Variants in GNB5 observed in about 807,000 individuals in gnomAD.
GNB5 encodes guanine nucleotide-binding protein subunit beta-5.
A neutral mutation model predicts 55.3 loss-of-function variants in GNB5; 37 were observed. The observed-to-expected ratio is 0.67, with a 90% CI of 0.51 to 0.88. The LOEUF is 0.88. Among genes scored for constraint, GNB5 ranks in the 40% least tolerant of loss-of-function variants. The pLI is 0.00. For missense variants in GNB5, 476 were observed against 515.3 expected (o/e 0.92, Z 0.74); for synonymous variants, 219 against 198.5 (o/e 1.10, Z -0.87).
chr15:52,161,152 T>C (rs1292935950), intron 3 of GNB5, among the ~76,000 whole-genome samples: 2 of 152,138 alleles, frequency 1.3e-5, no homozygotes, highest in Non-Finnish European at 2.9e-5. Context: ...CATGCACACA[T>C]ACTTGGATCC....
intron 3 of GNB5, among the ~76,000 whole-genome samples, chr15:52,178,215 A>G (rs2034690347): frequency 6.6e-6 from 1 of 152,234 alleles, no homozygotes; most frequent in Non-Finnish European, 1.5e-5. Flanking sequence ...CCCAACACTT[A>G]GCAGGGGACC....
chr15:52,178,952 A>G (rs2034704697), intron 3 of GNB5, among the ~76,000 whole-genome samples: 1 of 152,222 alleles, frequency 6.6e-6, no homozygotes, highest in South Asian at 2.1e-4. Context: ...CACTTCCCCA[A>G]GCCTGGCCCC....
intron 3 of GNB5, among the ~76,000 whole-genome samples, chr15:52,157,056 C>T (rs923882637): frequency 6.6e-6 from 1 of 151,338 alleles, no homozygotes; most frequent in Non-Finnish European, 1.5e-5. Context: ...CTGCCTCAGC[C>T]TCCCAAGTAG....
chr15:52,157,771 A>C (rs2034246523), intron 3 of GNB5, among the ~76,000 whole-genome samples: 1 of 150,964 alleles, frequency 6.6e-6, no homozygotes. Context: ...ACTATTAATT[A>C]TTTTTTCTCA....
Position 52,133,446 on chromosome 15 carries a change from C to A in GNB5, c.795G>T (p.Val265=). The A allele has an allele frequency of 6.2e-7, 1 of 1,612,632 alleles. No homozygotes were observed. Among genetic ancestry groups the A allele is most frequent in the South Asian group, 1.1e-5 (1 of 91,060 alleles). The change falls in exon 9 of 13, where the codon GTG becomes GTT. Residue 265 remains valine, a synonymous_variant. Coordinates refer to ENST00000261837, the MANE Select transcript of GNB5 (RefSeq NM_016194.4). ...CGCACTGGCCGGAGCGCATGTCCCA[C>A]ACCATGGCTTTCTTGTCACATCCCT... The part of the protein sequence containing the change: ...VSGGCDKKAM[V]WDMRSGQCVQ...
intron 3 of GNB5, among the ~76,000 whole-genome samples, chr15:52,179,496 A>C (rs965722483): frequency 6.6e-6 from 1 of 151,152 alleles, no homozygotes; most frequent in Non-Finnish European, 1.5e-5. Context: ...GCAGGTGATG[A>C]GGATAGCTAG....
intron 3 of GNB5, among the ~76,000 whole-genome samples, chr15:52,173,481 G>A (rs1229331153): frequency 6.6e-6 from 1 of 152,250 alleles, no homozygotes; most frequent in African/African-American, 2.4e-5. Context: ...GAACATTCCA[G>A]AAGAGAGAAT....
At chr15:52,129,536 G>A (rs1298779389) in intron 9 of GNB5, among the ~76,000 whole-genome samples, 1 of 152,164 alleles carries the variant, frequency 6.6e-6, no homozygotes, top group African/African-American at 2.4e-5. Flanking sequence ...AAAGCATTAT[G>A]AATTCATGGA....
At chr15:52,166,673 A>G (rs2141228091) in intron 3 of GNB5, among the ~76,000 whole-genome samples, 1 of 152,350 alleles carries the variant, frequency 6.6e-6, no homozygotes, top group East Asian at 1.9e-4. Flanking sequence ...TCTCTAGGAC[A>G]CAGCTAAAGC....
chr15:52,155,048 C>T (rs1350304365), intron 3 of GNB5, among the ~76,000 whole-genome samples: 1 of 152,180 alleles, frequency 6.6e-6, no homozygotes, highest in Non-Finnish European at 1.5e-5. Flanking sequence ...CAGGGGAGGA[C>T]GCCAAGGTCT....
intron 11 of GNB5, chr15:52,124,920 T>C: frequency 3.7e-6 from 1 of 270,302 alleles, no homozygotes; most frequent in East Asian, 7.0e-5. Flanking sequence ...GGAAGGGGGA[T>C]TAAGGAGGGC....
chr15:52,138,804 C>T (rs148302239), intron 7 of GNB5: 3 of 152,266 alleles, frequency 2.0e-5, no homozygotes, highest in Non-Finnish European at 4.4e-5. Flanking sequence ...TCATACCATA[C>T]TGTTTGATCA....
chr15:52,137,355 A>T, intron 7 of GNB5: 1 of 1,049,650 alleles, frequency 9.5e-7, no homozygotes, highest in African/African-American at 1.7e-5. Flanking sequence ...TCTTCAAGGA[A>T]GAGTGAGAGC....
chr15:52,162,525 C>T (rs984942883), intron 3 of GNB5, among the ~76,000 whole-genome samples: 3 of 152,074 alleles, frequency 2.0e-5, no homozygotes, highest in African/African-American at 7.2e-5. Context: ...AAACCGACTG[C>T]AAAGAAGACA....
chr15:52,138,169 G>C (rs2033770031), intron 7 of GNB5, among the ~76,000 whole-genome samples: 1 of 152,020 alleles, frequency 6.6e-6, no homozygotes, highest in East Asian at 1.9e-4. Flanking sequence ...GATCACCCAA[G>C]GTCAGGAGTT....
rs1045726300 is a variant in GNB5 at position 52,116,381 on chromosome 15, T to C, written c.*6376A>G. 1.3e-5 allele frequency: 2 copies of C among 152,288 alleles called. No individual in the cohort carries two copies. The highest frequency in any genetic ancestry group is 2.9e-5 in the Non-Finnish European group (2 of 68,052). 9.4% of individuals were successfully genotyped at this position (152,288 alleles called of 1,614,324 possible). A position where few individuals can be genotyped will look rare whatever the true frequency, so the allele number is the denominator to read the frequency against. ...TTGTTTATGTGGGTTAAATTAACCA[T>C]GGAATCACTCCTGATCCCATCTCCT... is the stretch of plus-strand genomic sequence containing the variant. On this transcript the variant is annotated 3_prime_UTR_variant, in exon 13 of 13. Transcript: ENST00000261837.
At chr15:52,157,548 A>G (rs1261819371) in intron 3 of GNB5, among the ~76,000 whole-genome samples, 1 of 152,148 alleles carries the variant, frequency 6.6e-6, no homozygotes, top group African/African-American at 2.4e-5. Flanking sequence ...CCAGCCATAT[A>G]GGCCTTTTAT....
At chr15:52,163,151 C>T (rs1278552936) in intron 3 of GNB5, among the ~76,000 whole-genome samples, 1 of 152,202 alleles carries the variant, frequency 6.6e-6, no homozygotes, top group Non-Finnish European at 1.5e-5. Context: ...GGAAACCACG[C>T]TTTTCCCACA....
chr15:52,177,792 T>C (rs557113800), intron 3 of GNB5, among the ~76,000 whole-genome samples: 3 of 152,002 alleles, frequency 2.0e-5, no homozygotes, highest in Non-Finnish European at 2.9e-5. Context: ...AGAAGAGAAG[T>C]GGTCTGGAAG....
Sources: gnomAD v4.1 joint callset for allele counts (sites outside exome capture counted in the v4.1 genomes callset) on GRCh38, gnomAD v4.1.1 for gene constraint, MANE v1.5 for transcripts, NCBI Gene and HGNC (gene_info 2026-07-23, HGNC 2026-07-21) for gene names.